AK5: variants seen among roughly 807,000 people sequenced by gnomAD.
AK5 encodes the protein adenylate kinase isoenzyme 5.
A neutral mutation model predicts 69.5 loss-of-function variants in AK5; 27 were observed. That is an observed-to-expected ratio of 0.39 (90% CI 0.29 to 0.54). The LOEUF is 0.54. Ranked by LOEUF, AK5 falls within the 20% of genes least tolerant of loss-of-function variation. The pLI, the probability that AK5 is intolerant of heterozygous loss-of-function variation, is 0.71. For missense variants in AK5, 531 were observed against 700.4 expected (o/e 0.76, Z 2.73); for synonymous variants, 260 against 244.4 (o/e 1.06, Z -0.60).
At chr1:77,486,464 G>T (rs754375365) in intron 10 of AK5, 112 bp downstream of exon 10, 27 of 665,278 alleles carry the variant, frequency 4.1e-5, no homozygotes, top group Admixed American at 1.8e-4. Flanking sequence ...GGGAGGCCAA[G>T]GCGGGCAGAT....
chr1:77,356,704 T>A (rs1662543767), intron 6 of AK5, among the ~76,000 whole-genome samples: 2 of 152,016 alleles, frequency 1.3e-5, no homozygotes, highest in Admixed American at 6.6e-5. Context: ...ATTATTTTGA[T>A]GAGATTGGCC....
At chr1:77,404,589 C>T (rs1183357048) in intron 6 of AK5, among the ~76,000 whole-genome samples, 1 of 152,022 alleles carries the variant, frequency 6.6e-6, no homozygotes. Context: ...GGGTTCAGTG[C>T]CATAATATTT....
intron 6 of AK5, among the ~76,000 whole-genome samples, chr1:77,372,773 G>A (rs1409380509): frequency 3.4e-5 from 2 of 58,680 alleles, no homozygotes; most frequent in Non-Finnish European, 4.7e-5. Context: ...GTGTGTGTGC[G>A]TGTGTGTGTG....
At chr1:77,283,136 G>A in intron 1 of AK5, 1 of 985,832 alleles carries the variant, frequency 1.0e-6, no homozygotes, top group Non-Finnish European at 1.2e-6. Flanking sequence ...CCGGGAATGG[G>A]GGGACACTTG....
Position 77,558,542 on chromosome 1 carries a change from T to G in AK5, c.1621-60T>G, listed in dbSNP as rs1385161768. On this transcript the variant is annotated intron_variant, in intron 13 of 13. Coordinates refer to ENST00000354567, the MANE Select transcript of AK5 (RefSeq NM_174858.3). ...ATGAGCAAGTGATAGTGTTCTTTCA[T>G]TATTAAACATGATTTACAGATATTT... The G allele has an allele frequency of 1.3e-5, 15 of 1,116,124 alleles. No individual in the cohort carries two copies. In the South Asian group the frequency reaches 2.0e-4, roughly 15 times the overall value. The allele number at this position is 1,116,124 out of a possible 1,614,324, so 69.1% of individuals were successfully genotyped here.
chr1:77,293,533 C>T (rs1028183164), intron 2 of AK5: 1 of 285,482 alleles, frequency 3.5e-6, no homozygotes, highest in Non-Finnish European at 6.4e-6. Flanking sequence ...CAGGCACACT[C>T]GTTTGTTTAT....
intron 6 of AK5, among the ~76,000 whole-genome samples, chr1:77,391,471 A>ATT (rs1648448754): frequency 1.7e-5 from 1 of 60,278 alleles, no homozygotes; most frequent in African/African-American, 5.6e-5. Flanking sequence ...ATATACACAT[A>ATT]TGTGTGTGTG....
intron 5 of AK5, among the ~76,000 whole-genome samples, chr1:77,330,375 C>G (rs1661025757): frequency 6.6e-6 from 1 of 152,166 alleles, no homozygotes; most frequent in African/African-American, 2.4e-5. Flanking sequence ...TTTTGTCTTT[C>G]ACATTTAGAT....
intron 6 of AK5, among the ~76,000 whole-genome samples, chr1:77,404,380 G>A (rs560224201): frequency 2.6e-5 from 4 of 152,056 alleles, no homozygotes; most frequent in South Asian, 2.1e-4. Context: ...TTCCTTGGGG[G>A]AGTGGGGATC....
intron 8 of AK5, among the ~76,000 whole-genome samples, chr1:77,418,580 G>A (rs1194693267): frequency 1.3e-5 from 2 of 152,184 alleles, no homozygotes; most frequent in Non-Finnish European, 2.9e-5. Context: ...TCTCTCTGCT[G>A]CTATATTTTA....
Position 77,500,210 on chromosome 1 carries a change from G to A in AK5, c.1147+13858G>A, listed in dbSNP as rs111789460. Among the ~76,000 whole-genome samples the A allele has an allele frequency of 3.3e-3, 502 of 152,022 alleles. 5 individuals are homozygous for A. The highest frequency in any genetic ancestry group is 0.012 in the African/African-American group (479 of 41,444). On this transcript the variant is annotated intron_variant, in intron 10 of 13. Transcript: ENST00000354567. The stretch of plus-strand genomic sequence containing the variant: ...TCCTCTGGTCCTGAAGGATCAATGC[G>A]GAGTCTTTATAAAGTCTTTATGGCC...
chr1:77,401,611 C>T (rs1649221059), intron 6 of AK5, among the ~76,000 whole-genome samples: 1 of 152,112 alleles, frequency 6.6e-6, no homozygotes, highest in Non-Finnish European at 1.5e-5. Flanking sequence ...CTTTTCAGTC[C>T]ATTTAGGGTG....
intron 5 of AK5, among the ~76,000 whole-genome samples, chr1:77,312,827 C>T (rs1017372857): frequency 1.3e-5 from 2 of 152,010 alleles, no homozygotes; most frequent in African/African-American, 4.8e-5. Context: ...GGGTTGATCC[C>T]ACAGTGCTGC....
chr1:77,549,634 A>G (rs1310516923), intron 13 of AK5, among the ~76,000 whole-genome samples: 1 of 152,042 alleles, frequency 6.6e-6, no homozygotes, highest in Non-Finnish European at 1.5e-5. Flanking sequence ...TCAATCTACT[A>G]TCTGTCTCCA....
chr1:77,323,579 G>A (rs1014779162), intron 5 of AK5, among the ~76,000 whole-genome samples: 1 of 152,092 alleles, frequency 6.6e-6, no homozygotes, highest in Non-Finnish European at 1.5e-5. Context: ...CGAAATGAAC[G>A]AGCAAATGAA....
At position 77,282,470 on chromosome 1, in the gene AK5, G is replaced by C; in HGVS notation, c.60+97G>C. The C allele has an allele frequency of 3.4e-6, 5 of 1,454,196 alleles. No individual in the cohort carries two copies. In the South Asian group the frequency reaches 5.8e-5, roughly 17 times the overall value. The allele number at this position is 1,454,196 out of a possible 1,614,324, so 90.1% of individuals were successfully genotyped here. On this transcript the variant is annotated intron_variant, in intron 1 of 13. Transcript: ENST00000354567. ...GCGCCCCGTCCCACCTTCCCCACAC[G>C]GGGCATGTAATGAAGGGGCTTGTAG...
chr1:77,556,723 GA>G (rs1285585856), intron 13 of AK5, among the ~76,000 whole-genome samples: 1 of 152,194 alleles, frequency 6.6e-6, no homozygotes, highest in Non-Finnish European at 1.5e-5. Flanking sequence ...TTTGCACAAA[GA>G]AGATTTAAAT....
rs567225651 is a variant in AK5 at position 77,385,349 on chromosome 1, G to C, written c.892-25632G>C. 5.5e-3 allele frequency among the ~76,000 whole-genome samples: 834 copies of C among 151,934 alleles called. 3 individuals carry two copies. Among genetic ancestry groups the C allele is most frequent in the Non-Finnish European group, 8.5e-3 (577 of 67,944 alleles). On this transcript the variant is annotated intron_variant, in intron 6 of 13. Coordinates refer to ENST00000354567, the MANE Select transcript of AK5 (RefSeq NM_174858.3). ...TAATTTTTTGTATTTTTAGTAGAGA[G>C]GGGGTTTCACCGTGCTGGCCAGGAT...
At chr1:77,298,021 C>T in intron 5 of AK5, 74 bp downstream of exon 5, 2 of 1,035,846 alleles carry the variant, frequency 1.9e-6, no homozygotes, top group South Asian at 1.6e-5. Context: ...AAAAAGACTT[C>T]TTGGAAGACT....
Sources: allele counts gnomAD v4.1 joint callset (sites outside exome capture counted in the v4.1 genomes callset), GRCh38; gene constraint gnomAD v4.1.1; transcripts MANE v1.5; gene names NCBI Gene and HGNC (gene_info 2026-07-23, HGNC 2026-07-21).